The following DIP2C variants were observed in gnomAD, a reference collection of about 807,000 sequenced individuals.
DIP2C encodes disco-interacting protein 2 homolog C.
In DIP2C, 33 loss-of-function variants were observed where a neutral mutation model predicts 192.4. That is an observed-to-expected ratio of 0.17 (90% CI 0.13 to 0.23). DIP2C has a LOEUF of 0.23. Ranked by LOEUF, DIP2C falls within the 10% of genes least tolerant of loss-of-function variation. DIP2C has a pLI of 1.00. For synonymous variants in DIP2C, 979 were observed against 864.1 expected (o/e 1.13, Z -2.33); for missense variants, 1,537 against 2,110.1 (o/e 0.73, Z 5.32).
At chr10:334,139 TA>T (rs1309746752) in intron 29 of DIP2C, among the ~76,000 whole-genome samples, 1 of 151,848 alleles carries the variant, frequency 6.6e-6, no homozygotes, top group Non-Finnish European at 1.5e-5. Flanking sequence ...ACACTGTCTC[TA>T]CTAAAAATAC....
chr10:624,654 T>A (rs186939755), intron 1 of DIP2C, among the ~76,000 whole-genome samples: 1 of 152,164 alleles, frequency 6.6e-6, no homozygotes, highest in East Asian at 1.9e-4. Flanking sequence ...GAGGCGAGCG[T>A]CGGTCTTGCT....
rs184670164 is a variant in DIP2C at position 591,985 on chromosome 10, A to G, written c.85+97509T>C. On this transcript the variant is annotated intron_variant, in intron 1 of 36. Transcript: ENST00000280886. ...GAACGATGCGAGTCTAAGTCGCCAG[A>G]AAACCATATTCAAGTGTCATTTCAC... is the stretch of plus-strand genomic sequence containing the variant. Among the ~76,000 whole-genome samples the G allele has an allele frequency of 7.9e-5, 12 of 152,362 alleles. No individual in the cohort carries two copies. The East Asian group carries it at 2.3e-3, about 29-fold the overall frequency.
chr10:363,391 C>A lies in DIP2C; in HGVS notation c.2478-80G>T. 1 of 1,226,220 alleles carries A rather than the reference C, an allele frequency of 8.2e-7. No homozygotes were observed. Among genetic ancestry groups the A allele is most frequent in the Non-Finnish European group, 1.2e-6 (1 of 853,534 alleles). 76.0% of individuals were successfully genotyped at this position (1,226,220 alleles called of 1,614,324 possible). A position where few individuals can be genotyped will look rare whatever the true frequency, so the allele number is the denominator to read the frequency against. On this transcript the variant is annotated intron_variant, in intron 20 of 36. Transcript: ENST00000280886. The surrounding 1 kb of genome is among the most constrained non-coding windows in gnomAD (Gnocchi z 5.4). ...CCCTCCGCCATCAGGGGCTCCATAACCATCACTAGTGAGTGACACAGCTCC... is the reference window on the plus strand; with the variant it reads ...CCCTCCGCCATCAGGGGCTCCATAAACATCACTAGTGAGTGACACAGCTCC...
At position 460,850 on chromosome 10, in the gene DIP2C, G is replaced by A. The variant is rs192921753; in HGVS notation, c.268+11589C>T. On this transcript the variant is annotated intron_variant, in intron 3 of 36. Transcript: ENST00000280886. ...AAGGGAAGCTCATCAGACTAACAGC[G>A]GATCTCTCTGCAGAAACCCGACATG... Among the ~76,000 whole-genome samples, 202 of 152,268 alleles carry A rather than the reference G, an allele frequency of 1.3e-3. 2 individuals are homozygous for A. Among genetic ancestry groups the A allele is most frequent in the East Asian group, 1.9e-3 (10 of 5,184 alleles).
chr10:524,315 G>T (rs1259681879), intron 1 of DIP2C, among the ~76,000 whole-genome samples: 1 of 152,192 alleles, frequency 6.6e-6, no homozygotes, highest in African/African-American at 2.4e-5. Flanking sequence ...ACACTTCACA[G>T]GGTCCCTGCT....
chr10:412,840 G>A (rs1215518328), intron 8 of DIP2C, among the ~76,000 whole-genome samples: 1 of 152,216 alleles, frequency 6.6e-6, no homozygotes. Context: ...CTGACAACAG[G>A]CGGAACTATG....
chr10:528,351 C>T (rs925151818), intron 1 of DIP2C, among the ~76,000 whole-genome samples: 26 of 150,660 alleles, frequency 1.7e-4, no homozygotes, highest in African/African-American at 5.6e-4. Flanking sequence ...GCAGACCGCC[C>T]GCTGCCCACC....
chr10:544,565 C>T (rs1848179758), intron 1 of DIP2C, among the ~76,000 whole-genome samples: 1 of 152,200 alleles, frequency 6.6e-6, no homozygotes. Context: ...GCAATATATA[C>T]AGATTCCAAT....
At position 446,669 on chromosome 10, in the gene DIP2C, C is replaced by T. The variant is rs575431815; in HGVS notation, c.269-5673G>A. ...CCCTGACACCCAACTGTGGGCAGAG[C>T]GCCCCGGCTGCCACCATGGAGGAGG... On this transcript the variant is annotated intron_variant, in intron 3 of 36. Transcript: ENST00000280886. Among the ~76,000 whole-genome samples, 39 of 152,282 alleles carry T rather than the reference C, an allele frequency of 2.6e-4. No homozygotes were observed. The South Asian group carries it at 5.4e-3, about 21-fold the overall frequency.
Position 598,983 on chromosome 10 carries a change from G to A in DIP2C, c.85+90511C>T, listed in dbSNP as rs146560064. Among the ~76,000 whole-genome samples the A allele has an allele frequency of 2.3e-3, 347 of 152,366 alleles. 3 individuals are homozygous for A. The highest frequency in any genetic ancestry group is 7.9e-3 in the African/African-American group (328 of 41,580). ...TTCTGCATCGAGCCTTTGAGGCACA[G>A]GCACGGCCCCCGGGCCCACCTCCCT... On this transcript the variant is annotated intron_variant, in intron 1 of 36. Transcript: ENST00000280886.
chr10:377,452 G>A (rs76559991), intron 17 of DIP2C, among the ~76,000 whole-genome samples: 1,853 of 152,346 alleles, frequency 0.012, 23 homozygotes, highest in African/African-American at 0.033. Context: ...TTTGCTATTC[G>A]ATGCTACCTA....
intron 1 of DIP2C, among the ~76,000 whole-genome samples, chr10:618,114 C>A (rs796833595): frequency 6.6e-6 from 1 of 152,320 alleles, no homozygotes; most frequent in East Asian, 1.9e-4. Context: ...ATGCTAAAAA[C>A]CCTCAAGTGA....
intron 1 of DIP2C, among the ~76,000 whole-genome samples, chr10:551,900 C>T (rs1026823247): frequency 3.9e-5 from 6 of 152,228 alleles, no homozygotes; most frequent in African/African-American, 1.2e-4. Context: ...ATGCTGCAGG[C>T]CCCTGCCGTG....
At chr10:411,490 A>G (rs1965182560) in intron 8 of DIP2C, among the ~76,000 whole-genome samples, 1 of 152,192 alleles carries the variant, frequency 6.6e-6, no homozygotes, top group African/African-American at 2.4e-5. Context: ...ATCCGCTGGG[A>G]ATTCTGCTAC....
intron 1 of DIP2C, among the ~76,000 whole-genome samples, chr10:547,024 G>T (rs543211935): frequency 1.3e-5 from 2 of 152,230 alleles, no homozygotes; most frequent in Non-Finnish European, 2.9e-5. Flanking sequence ...AAGGCCATTA[G>T]TGGAAGAAGC....
At chr10:342,990 G>A (rs572070744) in intron 28 of DIP2C, among the ~76,000 whole-genome samples, 24 of 152,154 alleles carry the variant, frequency 1.6e-4, no homozygotes, top group African/African-American at 5.1e-4. Context: ...TGATTTTTGC[G>A]GTTTTAAAAC....
At chr10:506,382 C>T (rs1845595195) in intron 1 of DIP2C, among the ~76,000 whole-genome samples, 1 of 152,130 alleles carries the variant, frequency 6.6e-6, no homozygotes, top group Non-Finnish European at 1.5e-5. Context: ...GGGGGATCAG[C>T]CCAAGGCCTG....
At position 636,030 on chromosome 10, in the gene DIP2C, C is replaced by T. The variant is rs912596882; in HGVS notation, c.85+53464G>A. ...AGGCAGTGCTCATCTCAAAACTGTA[C>T]AAGTGGTTTCTTTAGCCAGTTCTCC... On this transcript the variant is annotated intron_variant, in intron 1 of 36. Coordinates refer to ENST00000280886, the MANE Select transcript of DIP2C (RefSeq NM_014974.3). The surrounding 1 kb of genome is among the most constrained non-coding windows in gnomAD (Gnocchi z 4.6). Among the ~76,000 whole-genome samples, 2 of 152,248 alleles carry T rather than the reference C, an allele frequency of 1.3e-5. No homozygotes were observed. Among genetic ancestry groups the T allele is most frequent in the Admixed American group, 6.5e-5 (1 of 15,290 alleles).
chr10:592,897 A>G (rs774875618), intron 1 of DIP2C, among the ~76,000 whole-genome samples: 2 of 151,522 alleles, frequency 1.3e-5, no homozygotes, highest in Non-Finnish European at 2.9e-5. Context: ...CCAACTGGGT[A>G]TTTGGAAACT....
Sources: gnomAD v4.1 joint callset for allele counts (sites outside exome capture counted in the v4.1 genomes callset) on GRCh38, gnomAD v4.1.1 for gene constraint, Gnocchi (gnomAD v3.1) non-coding constraint, MANE v1.5 for transcripts, NCBI Gene and HGNC (gene_info 2026-07-23, HGNC 2026-07-21) for gene names.